ABHD18: variants seen among roughly 807,000 people sequenced by gnomAD.
The protein encoded by ABHD18 is cardiolipin-specific deacylase, mitochondrial.
In ABHD18, 55 loss-of-function variants were observed where a neutral mutation model predicts 65.9. The ratio of observed to expected loss-of-function variants is 0.84; its 90% CI spans 0.67 to 1.05. ABHD18 has a LOEUF of 1.05. ABHD18 is among the 50% of genes least tolerant of loss of function. The pLI is 0.00. For missense variants in ABHD18, 533 were observed against 558.5 expected, an observed-to-expected ratio of 0.95 and a Z score of 0.46; for synonymous variants, 181 against 180.2, an observed-to-expected ratio of 1.00 and a Z score of -0.04.
At chr4:128,014,014 G>A (rs796743351) in intron 7 of ABHD18, among the ~76,000 whole-genome samples, 51 of 121,654 alleles carry the variant, frequency 4.2e-4, no homozygotes, top group African/African-American at 1.6e-3. Flanking sequence ...ATGGAGTTTC[G>A]CTCTTGTTGC....
chr4:127,975,265 C>A (rs1475774443), intron 1 of ABHD18, among the ~76,000 whole-genome samples: 1 of 152,118 alleles, frequency 6.6e-6, no homozygotes, highest in Non-Finnish European at 1.5e-5. Context: ...TTTCTTCTTG[C>A]AAAACTGAAA....
Position 128,028,776 on chromosome 4 carries a change from G to C in ABHD18, c.1103G>C (p.Arg368Thr). Residue 368 changes from arginine (R) to threonine (T), a missense_variant, in exon 11 of 13, where the codon AGA becomes ACA. Coordinates refer to ENST00000645843, the MANE Select transcript of ABHD18 (RefSeq NM_001358451.3). The part of the protein sequence containing the change: ...SYHLLSKEQS[R>T]NSLRKESLIF... ...CACCTACTTAGTAAAGAACAAAGCA[G>C]AAACAGTCTTCGGAAAGAGTCTTTA... 1 of 1,611,790 alleles carries C rather than the reference G, an allele frequency of 6.2e-7. No individual in the cohort carries two copies. The highest frequency in any genetic ancestry group is 8.5e-7 in the Non-Finnish European group (1 of 1,179,364).
chr4:128,028,986 C>T, intron 11 of ABHD18, 133 bp downstream of exon 11: 1 of 679,822 alleles, frequency 1.5e-6, no homozygotes, highest in South Asian at 2.7e-5. Flanking sequence ...AATATGTTTG[C>T]AAAGATAAGT....
intron 12 of ABHD18, among the ~76,000 whole-genome samples, chr4:128,033,253 C>CA (rs906000619): frequency 1.8e-4 from 26 of 148,002 alleles, no homozygotes; most frequent in East Asian, 7.9e-4. Flanking sequence ...GACTCTGTCT[C>CA]AAAAAAAAAA....
intron 10 of ABHD18, among the ~76,000 whole-genome samples, chr4:128,022,743 G>A (rs1167536678): frequency 6.7e-6 from 1 of 149,598 alleles, no homozygotes; most frequent in Non-Finnish European, 1.5e-5. Flanking sequence ...GTTTCCTACT[G>A]CTCTTCAAAA....
chr4:127,986,277 A>G (rs1749938107), intron 3 of ABHD18, among the ~76,000 whole-genome samples: 1 of 152,174 alleles, frequency 6.6e-6, no homozygotes, highest in Admixed American at 6.5e-5. Flanking sequence ...GCAATATGTA[A>G]CTTTTTTTGT....
intron 10 of ABHD18, among the ~76,000 whole-genome samples, chr4:128,024,991 C>T (rs1394779739): frequency 1.3e-5 from 2 of 152,036 alleles, no homozygotes; most frequent in Admixed American, 1.3e-4. Context: ...TGCGCCCGGC[C>T]AACCAATTTT....
At chr4:127,974,044 A>G (rs1402163259) in intron 1 of ABHD18, among the ~76,000 whole-genome samples, 1 of 151,994 alleles carries the variant, frequency 6.6e-6, no homozygotes, top group Non-Finnish European at 1.5e-5. Flanking sequence ...CCTCAAGGAA[A>G]AGGGAAGAAG....
chr4:128,032,289 C>A lies in ABHD18; in HGVS notation c.1343+1617C>A, dbSNP rs6844291. On this transcript the variant is annotated intron_variant, in intron 12 of 12. Transcript: ENST00000645843. ...GTGGAGTCACTACTAAGCTATTTGA[C>A]CTCTTCCATTCCCCATCAGTCACTT... Among the ~76,000 whole-genome samples, 762 of 152,294 alleles carry A rather than the reference C, an allele frequency of 5.0e-3. 10 individuals are homozygous for A. The highest frequency in any genetic ancestry group is 0.018 in the African/African-American group (733 of 41,572).
intron 1 of ABHD18, among the ~76,000 whole-genome samples, chr4:127,977,284 C>T (rs539090413): frequency 1.3e-5 from 2 of 150,046 alleles, no homozygotes; most frequent in Non-Finnish European, 3.0e-5. Context: ...ACCAGCCTGA[C>T]CAACATGGAG....
At chr4:127,987,165 A>C (rs978927431) in intron 3 of ABHD18, among the ~76,000 whole-genome samples, 3 of 152,086 alleles carry the variant, frequency 2.0e-5, no homozygotes, top group Admixed American at 6.6e-5. Flanking sequence ...CAGCCTGGCC[A>C]ACATGGTGAA....
chr4:127,992,289 T>G (rs1047748927), intron 4 of ABHD18, among the ~76,000 whole-genome samples: 1 of 151,940 alleles, frequency 6.6e-6, no homozygotes, highest in Non-Finnish European at 1.5e-5. Context: ...CTGGCCAACA[T>G]AGTGAAACCC....
chr4:127,984,281 G>A (rs1749586017), intron 2 of ABHD18, 58 bp from the exon 3 acceptor site: 5 of 957,556 alleles, frequency 5.2e-6, no homozygotes, highest in Non-Finnish European at 8.1e-6. Context: ...ATTATAATGT[G>A]CTTAGTAGGT....
intron 12 of ABHD18, among the ~76,000 whole-genome samples, chr4:128,032,131 G>A (rs908746238): frequency 6.6e-6 from 1 of 152,166 alleles, no homozygotes; most frequent in Non-Finnish European, 1.5e-5. Flanking sequence ...ACACAAAAGT[G>A]CTATTATGAA....
intron 3 of ABHD18, among the ~76,000 whole-genome samples, chr4:127,984,647 T>TG (rs1246752076): frequency 6.6e-6 from 1 of 151,966 alleles, no homozygotes; most frequent in African/African-American, 2.4e-5. Context: ...CACCTGAGGT[T>TG]GGGAGTTCAG....
At chr4:128,029,289 G>A (rs1298333836) in intron 11 of ABHD18, among the ~76,000 whole-genome samples, 1 of 152,128 alleles carries the variant, frequency 6.6e-6, no homozygotes, top group Non-Finnish European at 1.5e-5. Context: ...AGCCCAAGGA[G>A]TTGGAGGTTG....
chr4:127,968,188 C>T (rs1234071561), intron 1 of ABHD18, among the ~76,000 whole-genome samples: 1 of 152,160 alleles, frequency 6.6e-6, no homozygotes, highest in Non-Finnish European at 1.5e-5. Context: ...ACAGCCTGGG[C>T]GACAGAGCGA....
chr4:128,020,456 T>A (rs868676052), intron 9 of ABHD18, among the ~76,000 whole-genome samples: 9 of 152,186 alleles, frequency 5.9e-5, no homozygotes, highest in South Asian at 2.1e-4. Flanking sequence ...ACAATAATTA[T>A]TGACAATAAG....
At chr4:127,977,332 C>T (rs1249011902) in intron 1 of ABHD18, among the ~76,000 whole-genome samples, 1 of 152,076 alleles carries the variant, frequency 6.6e-6, no homozygotes, top group East Asian at 1.9e-4. Flanking sequence ...ATTAGCTGGG[C>T]GTGGTGGCGC....
Sources: allele counts gnomAD v4.1 joint callset (sites outside exome capture counted in the v4.1 genomes callset), GRCh38; gene constraint gnomAD v4.1.1; transcripts MANE v1.5; gene names NCBI Gene and HGNC (gene_info 2026-07-23, HGNC 2026-07-21).